Variants in RBM47 observed in about 807,000 individuals in gnomAD.
The protein encoded by RBM47 is RNA-binding protein 47.
RBM47 carries 21 observed loss-of-function variants against 47.1 expected under a neutral mutation model. The observed-to-expected ratio is 0.45, with a 90% CI of 0.32 to 0.64. The LOEUF is 0.64. RBM47 is among the 30% of genes least tolerant of loss of function. The pLI is 0.05. For missense variants in RBM47, 708 were observed against 870.9 expected, an observed-to-expected ratio of 0.81 and a Z score of 2.35; for synonymous variants, 375 against 361.7, an observed-to-expected ratio of 1.04 and a Z score of -0.42.
At chr4:40,568,360 T>A (rs990679851) in intron 1 of RBM47, among the ~76,000 whole-genome samples, 3 of 134,104 alleles carry the variant, frequency 2.2e-5, no homozygotes, top group African/African-American at 8.6e-5. Context: ...GCCCGAGAGA[T>A]GGAGGCTGCA....
chr4:40,533,243 G>A (rs1477441676), intron 2 of RBM47, among the ~76,000 whole-genome samples: 1 of 152,080 alleles, frequency 6.6e-6, no homozygotes, highest in African/African-American at 2.4e-5. Flanking sequence ...AGACCAGCCT[G>A]GCCAACATGG....
At chr4:40,472,127 A>G (rs1718974297) in intron 2 of RBM47, among the ~76,000 whole-genome samples, 1 of 152,194 alleles carries the variant, frequency 6.6e-6, no homozygotes, top group African/African-American at 2.4e-5. Flanking sequence ...AAACTCTACC[A>G]GGGAAGAATC....
intron 1 of RBM47, among the ~76,000 whole-genome samples, chr4:40,596,819 A>G (rs978108357): frequency 6.6e-6 from 1 of 151,964 alleles, no homozygotes; most frequent in Non-Finnish European, 1.5e-5. Context: ...AGAGAGAGAG[A>G]ATCAAGTTGA....
intron 3 of RBM47, among the ~76,000 whole-genome samples, chr4:40,458,966 A>G (rs1235784824): frequency 6.6e-6 from 1 of 152,182 alleles, no homozygotes; most frequent in African/African-American, 2.4e-5. Flanking sequence ...ATTTGTGAAT[A>G]TTGTGGGCTC....
intron 2 of RBM47, among the ~76,000 whole-genome samples, chr4:40,536,122 T>C (rs1350057959): frequency 1.3e-5 from 2 of 152,270 alleles, no homozygotes; most frequent in Non-Finnish European, 2.9e-5. Flanking sequence ...TTTGTCATTC[T>C]TTATGAAAGC....
intron 2 of RBM47, among the ~76,000 whole-genome samples, chr4:40,475,258 C>T (rs278964): frequency 0.039 from 5,957 of 152,070 alleles, 416 homozygotes; most frequent in African/African-American, 0.14. Context: ...TTAATTTTTC[C>T]TTATTTTAAT....
At chr4:40,517,480 C>T (rs1725716839) in intron 2 of RBM47, among the ~76,000 whole-genome samples, 1 of 152,116 alleles carries the variant, frequency 6.6e-6, no homozygotes, top group Non-Finnish European at 1.5e-5. Flanking sequence ...CTCTGCACCC[C>T]CTGGCATGGA....
rs148865086 is a variant in RBM47 at position 40,462,647 on chromosome 4, C to T, written c.-32+3930G>A. On this transcript the variant is annotated intron_variant, in intron 3 of 6. Coordinates refer to ENST00000295971, the MANE Select transcript of RBM47 (RefSeq NM_001098634.2). ...TGTTGGGAAACCACCTAAGCCTATA[C>T]GAGGAAGAAAAATCATTCAGAACAA... Among the ~76,000 whole-genome samples the T allele has an allele frequency of 3.0e-3, 454 of 152,126 alleles. 1 individual carries two copies. Among genetic ancestry groups the T allele is most frequent in the African/African-American group, 0.011 (443 of 41,480 alleles).
At chr4:40,508,173 C>G (rs1370986519) in intron 2 of RBM47, among the ~76,000 whole-genome samples, 2 of 152,210 alleles carry the variant, frequency 1.3e-5, no homozygotes, top group African/African-American at 4.8e-5. Flanking sequence ...CGGGACTGCC[C>G]TCTGGTGTAA....
intron 2 of RBM47, among the ~76,000 whole-genome samples, chr4:40,534,750 C>T (rs1028512992): frequency 5.3e-5 from 8 of 151,964 alleles, no homozygotes; most frequent in Non-Finnish European, 8.8e-5. Context: ...CTGGCTAACA[C>T]GGTGAAACCC....
At chr4:40,620,098 A>G (rs1737113816) in intron 1 of RBM47, among the ~76,000 whole-genome samples, 1 of 149,260 alleles carries the variant, frequency 6.7e-6, no homozygotes, top group South Asian at 2.1e-4. Flanking sequence ...CGGGAGGCTG[A>G]GGCAGGAGAA....
chr4:40,463,025 G>A (rs188365250), intron 3 of RBM47, among the ~76,000 whole-genome samples: 2 of 152,260 alleles, frequency 1.3e-5, no homozygotes, highest in East Asian at 3.9e-4. Flanking sequence ...CACAGTGTAG[G>A]AGAAAATATG....
chr4:40,583,915 A>G (rs1453995644), intron 1 of RBM47, among the ~76,000 whole-genome samples: 3 of 151,214 alleles, frequency 2.0e-5, no homozygotes, highest in Non-Finnish European at 2.9e-5. Context: ...ATGATTAAAT[A>G]TATTTTGTGA....
intron 5 of RBM47, among the ~76,000 whole-genome samples, chr4:40,433,608 C>A (rs1283273734): frequency 6.6e-6 from 1 of 152,180 alleles, no homozygotes; most frequent in East Asian, 1.9e-4. Context: ...TTCCTACTCA[C>A]CTCACTCATT....
intron 1 of RBM47, among the ~76,000 whole-genome samples, chr4:40,565,930 C>T (rs1479160963): frequency 2.6e-5 from 4 of 151,810 alleles, no homozygotes; most frequent in Non-Finnish European, 5.9e-5. Context: ...TAGCCCGGCG[C>T]GGTGGCACAC....
rs1056357296 is a variant in RBM47 at position 40,438,443 on chromosome 4, A to T, written c.451T>A (p.Cys151Ser). 1 of 1,613,514 alleles carries T rather than the reference A, an allele frequency of 6.2e-7. No homozygotes were observed. The highest frequency in any genetic ancestry group is 8.5e-7 in the Non-Finnish European group (1 of 1,179,968). ...LLGVCCSVDN[C>S]RLFIGGIPKM... The stretch of plus-strand genomic sequence containing the variant: ...GGGATCCCGCCGATGAAGAGGCGGC[A>T]GTTGTCCACGCTGCAGCACACGCCG... Residue 151 changes from cysteine (C) to serine (S), a missense_variant, in exon 4 of 7, where the codon TGC (cysteine) becomes AGC (serine). By Grantham distance (112) the Cys-to-Ser change is moderately radical. Coordinates refer to ENST00000295971, the MANE Select transcript of RBM47 (RefSeq NM_001098634.2).
At chr4:40,588,065 G>A (rs747487156) in intron 1 of RBM47, among the ~76,000 whole-genome samples, 1 of 152,190 alleles carries the variant, frequency 6.6e-6, no homozygotes, top group Non-Finnish European at 1.5e-5. Context: ...CAGAGGACCA[G>A]TGGCACACAG....
intron 2 of RBM47, among the ~76,000 whole-genome samples, chr4:40,485,606 T>A (rs1720962679): frequency 6.6e-6 from 1 of 152,104 alleles, no homozygotes; most frequent in Non-Finnish European, 1.5e-5. Flanking sequence ...AAATTACCAG[T>A]CCCCAAGTGT....
intron 1 of RBM47, among the ~76,000 whole-genome samples, chr4:40,624,820 A>C (rs1172139910): frequency 6.6e-6 from 1 of 151,780 alleles, no homozygotes; most frequent in African/African-American, 2.4e-5. Context: ...GACAACACAC[A>C]AAAAGAAATA....
Sources: allele counts gnomAD v4.1 joint callset (sites outside exome capture counted in the v4.1 genomes callset), GRCh38; gene constraint gnomAD v4.1.1; transcripts MANE v1.5; gene names NCBI Gene and HGNC (gene_info 2026-07-23, HGNC 2026-07-21).